Variants in GALNT16 observed in about 807,000 individuals in gnomAD.
GALNT16 encodes polypeptide N-acetylgalactosaminyltransferase 16, also known as UDP-GalNAc:polypeptide N-acetylgalactosaminyltransferase-like protein 1.
GALNT16 carries 40 observed loss-of-function variants against 76.1 expected under a neutral mutation model. The observed-to-expected ratio is 0.53, with a 90% CI of 0.41 to 0.68. The LOEUF (loss-of-function observed/expected upper bound fraction) is 0.68, where lower values mean the gene tolerates loss of function less well. Ranked by LOEUF, GALNT16 falls within the 30% of genes least tolerant of loss-of-function variation. The pLI, the probability that GALNT16 is intolerant of heterozygous loss-of-function variation, is 0.00. For synonymous variants in GALNT16, 276 were observed against 285.2 expected (o/e 0.97, Z 0.32); for missense variants, 621 against 731.9 (o/e 0.85, Z 1.75).
At chr14:69,278,096 A>C (rs865999979) in intron 1 of GALNT16, among the ~76,000 whole-genome samples, 11 of 151,434 alleles carry the variant, frequency 7.3e-5, no homozygotes, top group African/African-American at 4.9e-5. Flanking sequence ...ATAACCTCCA[A>C]CTCCTGGGCT....
intron 13 of GALNT16, 73 bp downstream of exon 13, chr14:69,347,254 C>A (rs1015484149): frequency 7.1e-7 from 1 of 1,399,730 alleles, no homozygotes. Context: ...GAGGGACTTC[C>A]CCCTACTCAT....
At chr14:69,382,618 T>C in the GALNT16 span, among the ~76,000 whole-genome samples, 1 of 151,380 alleles carries the variant, frequency 6.6e-6, no homozygotes, top group Non-Finnish European at 1.5e-5. Context: ...CGGGCCACAA[T>C]GTCAAGAGAT....
chr14:69,379,200 A>G, the GALNT16 span, among the ~76,000 whole-genome samples: 1 of 152,170 alleles, frequency 6.6e-6, no homozygotes, highest in Non-Finnish European at 1.5e-5. Context: ...TCAACCTCCC[A>G]AAGTGCTGGG....
intron 9 of GALNT16, among the ~76,000 whole-genome samples, chr14:69,334,322 C>T (rs1372768977): frequency 6.6e-6 from 1 of 152,130 alleles, no homozygotes; most frequent in Non-Finnish European, 1.5e-5. Context: ...CCACAGAGTA[C>T]CAGGGAAGGG....
chr14:69,260,842 C>T (rs893282615), intron 1 of GALNT16, among the ~76,000 whole-genome samples: 1 of 151,712 alleles, frequency 6.6e-6, no homozygotes, highest in African/African-American at 2.4e-5. Context: ...GCGCGGCGAG[C>T]GGGCGGTGGG....
chr14:69,380,494 T>C, the GALNT16 span: 1 of 1,099,578 alleles, frequency 9.1e-7, no homozygotes, highest in Non-Finnish European at 1.4e-6. Flanking sequence ...TGTACACACC[T>C]GTGTTCCAAG....
intron 1 of GALNT16, among the ~76,000 whole-genome samples, chr14:69,286,583 C>T (rs1288404215): frequency 6.6e-6 from 1 of 152,134 alleles, no homozygotes; most frequent in East Asian, 1.9e-4. Context: ...GGATTACAGG[C>T]ATGAGCCACT....
chr14:69,341,158 A>C (rs996271409), intron 11 of GALNT16, among the ~76,000 whole-genome samples: 1 of 152,148 alleles, frequency 6.6e-6, no homozygotes. Flanking sequence ...TGTAGAGGAA[A>C]CTGAGGCTCA....
intron 1 of GALNT16, 128 bp downstream of exon 1, chr14:69,260,595 A>T: frequency 1.8e-6 from 1 of 569,148 alleles, no homozygotes; most frequent in Non-Finnish European, 2.5e-6. Flanking sequence ...GGCTTTGTAT[A>T]TGTTGGAGCA....
chr14:69,283,098 T>C (rs1400557422), intron 1 of GALNT16, among the ~76,000 whole-genome samples: 1 of 152,246 alleles, frequency 6.6e-6, no homozygotes, highest in African/African-American at 2.4e-5. Context: ...TGCAGATACC[T>C]GTAAATTTGT....
intron 1 of GALNT16, among the ~76,000 whole-genome samples, chr14:69,269,168 T>A (rs961435436): frequency 6.6e-6 from 1 of 152,212 alleles, no homozygotes; most frequent in Non-Finnish European, 1.5e-5. Context: ...ATAATGTGTG[T>A]GTATAAAAGC....
intron 1 of GALNT16, among the ~76,000 whole-genome samples, chr14:69,270,823 A>C (rs569050074): frequency 6.6e-6 from 1 of 152,210 alleles, no homozygotes; most frequent in East Asian, 1.9e-4. Context: ...GGGGAAGTGC[A>C]GCCTGGGGCT....
At chr14:69,306,208 G>T (rs915604231) in intron 1 of GALNT16, among the ~76,000 whole-genome samples, 2 of 152,090 alleles carry the variant, frequency 1.3e-5, no homozygotes, top group Admixed American at 1.3e-4. Context: ...CTCCAGCTTT[G>T]TTTTTCCTTT....
intron 1 of GALNT16, among the ~76,000 whole-genome samples, chr14:69,317,910 G>A (rs541164600): frequency 1.3e-5 from 2 of 152,178 alleles, no homozygotes; most frequent in South Asian, 4.1e-4. Flanking sequence ...GTTACATATC[G>A]GAAGTAGAAC....
At chr14:69,359,886 C>T (rs1218789865), downstream of GALNT16, among the ~76,000 whole-genome samples, 6 of 151,882 alleles carry the variant, frequency 4.0e-5, no homozygotes, top group East Asian at 9.7e-4. Flanking sequence ...ATTATCCAGG[C>T]GGGTGGCACA....
the GALNT16 span, among the ~76,000 whole-genome samples, chr14:69,377,456 T>C: frequency 6.6e-5 from 10 of 152,162 alleles, no homozygotes; most frequent in Non-Finnish European, 1.5e-4. Flanking sequence ...TAAAATGCTA[T>C]GTCTAAGTGG....
At chr14:69,329,313 C>T (rs572213274) in intron 6 of GALNT16, among the ~76,000 whole-genome samples, 1 of 152,094 alleles carries the variant, frequency 6.6e-6, no homozygotes, top group Non-Finnish European at 1.5e-5. Context: ...GCCAAGATCA[C>T]ACCACTGCAC....
chr14:69,302,089 G>T (rs2044861858), intron 1 of GALNT16, among the ~76,000 whole-genome samples: 1 of 152,084 alleles, frequency 6.6e-6, no homozygotes, highest in Non-Finnish European at 1.5e-5. Context: ...CTGAGAATAG[G>T]ATACAGATTT....
At chr14:69,330,182 C>T (rs576344188) in intron 6 of GALNT16, among the ~76,000 whole-genome samples, 139 of 152,212 alleles carry the variant, frequency 9.1e-4, no homozygotes, top group Non-Finnish European at 1.6e-3. Flanking sequence ...ATCCAAATGC[C>T]TATCAACTGA....
Sources: allele counts gnomAD v4.1 joint callset (sites outside exome capture counted in the v4.1 genomes callset), GRCh38; gene constraint gnomAD v4.1.1; transcripts MANE v1.5; gene names NCBI Gene and HGNC (gene_info 2026-07-23, HGNC 2026-07-21).